The following GRM4 variants were observed in gnomAD, a reference collection of about 807,000 sequenced individuals.
GRM4 encodes the protein glutamate metabotropic receptor 4.
In GRM4, 28 loss-of-function variants were observed where a neutral mutation model predicts 81.7. The ratio of observed to expected loss-of-function variants is 0.34; its 90% CI spans 0.25 to 0.47. The LOEUF is 0.47. Ranked by LOEUF, GRM4 falls within the 20% of genes least tolerant of loss-of-function variation. GRM4 has a pLI of 1.00. For synonymous variants in GRM4, 488 were observed against 528.8 expected, an observed-to-expected ratio of 0.92 and a Z score of 1.06; for missense variants, 948 against 1,290.0, an observed-to-expected ratio of 0.73 and a Z score of 4.06.
chr6:34,044,171 T>TAC (rs1409552552), intron 6 of GRM4, among the ~76,000 whole-genome samples: 3,049 of 141,256 alleles, frequency 0.022, 48 homozygotes, highest in Non-Finnish European at 0.034. Context: ...TACACACACA[T>TAC]ATACATACAT....
intron 6 of GRM4, among the ~76,000 whole-genome samples, chr6:34,044,169 CAT>C (rs1227178697): frequency 1.2e-5 from 1 of 85,002 alleles, no homozygotes; most frequent in Non-Finnish European, 2.2e-5. Flanking sequence ...CATACACACA[CAT>C]ATACATACAT....
chr6:34,061,926 G>T lies in GRM4; in HGVS notation c.839C>A (p.Ala280Glu). 1 of 1,613,548 alleles carries T rather than the reference G, an allele frequency of 6.2e-7. No homozygotes were observed. The highest frequency in any genetic ancestry group is 8.5e-7 in the Non-Finnish European group (1 of 1,179,606). The change falls in exon 4 of 11, where the codon GCA becomes GAA. Residue 280 changes from alanine to glutamate, a missense_variant. Physicochemically the swap from Ala to Glu is moderately radical, Grantham distance 107 (BLOSUM62 -1). Coordinates refer to ENST00000538487, the MANE Select transcript of GRM4 (RefSeq NM_000841.4). ...RRLLETSNAR[A>E]VIIFANEDDI... ...ATCCTCGTTGGCAAAGATGATGACT[G>T]CCCTGGCGTTCGAAGTCTCCAGGAG...
At chr6:34,120,002 G>A (rs1769742223) in intron 2 of GRM4, among the ~76,000 whole-genome samples, 1 of 152,210 alleles carries the variant, frequency 6.6e-6, no homozygotes, top group South Asian at 2.1e-4. Flanking sequence ...AATAATGGCT[G>A]CCTCCAGGGC....
At chr6:34,100,747 T>C (rs1348555393) in intron 2 of GRM4, among the ~76,000 whole-genome samples, 1 of 152,248 alleles carries the variant, frequency 6.6e-6, no homozygotes, top group East Asian at 1.9e-4. Context: ...TTGGGACCAC[T>C]TGAAAAGTTC....
chr6:34,060,247 G>T (rs1450916541), intron 4 of GRM4: 1 of 151,224 alleles, frequency 6.6e-6, no homozygotes, highest in Non-Finnish European at 1.5e-5. Flanking sequence ...TAGCCCCCCC[G>T]CACCCTAGGT....
rs1429060255 is a variant in GRM4, at chr6:34,115,732, G to T, written c.519+17246C>A. On this transcript the variant is annotated intron_variant, in intron 2 of 10. Coordinates refer to ENST00000538487, the MANE Select transcript of GRM4 (RefSeq NM_000841.4). This position sits in a 1 kb window ranked among gnomAD's most constrained non-coding sequence, Gnocchi z 4.1. ...AGCCCTCCCTAAATAACTGTGCAGC[G>T]CGAGGCTGGAGGAGGAGTTCGAGGT... Among the ~76,000 whole-genome samples, 1 of 152,152 alleles carries T rather than the reference G, an allele frequency of 6.6e-6. No homozygotes were observed. Among genetic ancestry groups the T allele is most frequent in the Admixed American group, 6.5e-5 (1 of 15,276 alleles).
chr6:34,118,012 C>T (rs1170951342), intron 2 of GRM4, among the ~76,000 whole-genome samples: 1 of 152,194 alleles, frequency 6.6e-6, no homozygotes, highest in Admixed American at 6.5e-5. Flanking sequence ...ATGCTCACCA[C>T]TGTAGTCTAG....
chr6:34,100,855 T>G (rs764602240), intron 2 of GRM4, among the ~76,000 whole-genome samples: 2 of 152,244 alleles, frequency 1.3e-5, no homozygotes, highest in Non-Finnish European at 2.9e-5. Flanking sequence ...CCTCTGCTAC[T>G]GTAAGCAATG....
rs1412284162 is a variant in GRM4, at chr6:34,114,531, G to A, written c.519+18447C>T. ...AGCAGGCACCATCCTGCAGGATCAA[G>A]TCCACCTTCTTGACCTAAGCCCCCC... On this transcript the variant is annotated intron_variant, in intron 2 of 10. Transcript: ENST00000538487. This position sits in a 1 kb window ranked among gnomAD's most constrained non-coding sequence, Gnocchi z 4.3. Among the ~76,000 whole-genome samples, 1 of 151,986 alleles carries A rather than the reference G, an allele frequency of 6.6e-6. No homozygotes were observed. The highest frequency in any genetic ancestry group is 1.5e-5 in the Non-Finnish European group (1 of 68,004).
intron 10 of GRM4, among the ~76,000 whole-genome samples, chr6:34,027,327 C>T (rs1266160048): frequency 4.6e-5 from 7 of 152,160 alleles, no homozygotes; most frequent in Non-Finnish European, 1.0e-4. Context: ...GGCACTGCTC[C>T]GTTACCAGCC....
intron 3 of GRM4, among the ~76,000 whole-genome samples, chr6:34,066,196 C>T (rs780627935): frequency 6.6e-6 from 1 of 152,270 alleles, no homozygotes; most frequent in South Asian, 2.1e-4. Flanking sequence ...CGTCCACACT[C>T]GTCCCCAGGG....
At chr6:34,093,189 G>A (rs1768334492) in intron 2 of GRM4, among the ~76,000 whole-genome samples, 1 of 152,246 alleles carries the variant, frequency 6.6e-6, no homozygotes, top group Non-Finnish European at 1.5e-5. Context: ...CAGGCCCAGT[G>A]GCAACTGTGG....
chr6:34,138,572 C>T (rs997721996), intron 1 of GRM4, among the ~76,000 whole-genome samples: 4 of 152,232 alleles, frequency 2.6e-5, no homozygotes, highest in African/African-American at 9.6e-5. Context: ...TCTGTGACCC[C>T]TCTGCTATCC....
rs1012638451 is a variant in GRM4, at chr6:34,080,098, C to T, written c.736+11785G>A. On this transcript the variant is annotated intron_variant, in intron 3 of 10. Transcript: ENST00000538487. This position sits in a 1 kb window ranked among gnomAD's most constrained non-coding sequence, Gnocchi z 5.4. ...TCCTGGTTATTCTCCAAATGCCGGG[C>T]AGGCACCACCTCAGGGCCTTTGCAC... Among the ~76,000 whole-genome samples the T allele has an allele frequency of 3.9e-5, 6 of 152,360 alleles. No homozygotes were observed. Among genetic ancestry groups the T allele is most frequent in the Admixed American group, 3.9e-4 (6 of 15,312 alleles).
chr6:34,116,853 C>A lies in GRM4; in HGVS notation c.519+16125G>T, dbSNP rs1348390023. 2.0e-5 allele frequency among the ~76,000 whole-genome samples: 3 copies of A among 152,160 alleles called. No individual in the cohort carries two copies. In the East Asian group the frequency reaches 5.8e-4, roughly 29 times the overall value. ...GTACAGAGCAATAGAAGTGAGCAAA[C>A]CACCAACAGACCCAACCCCAGGGGG... is the stretch of plus-strand genomic sequence containing the variant. On this transcript the variant is annotated intron_variant, in intron 2 of 10. Transcript: ENST00000538487.
intron 2 of GRM4, among the ~76,000 whole-genome samples, chr6:34,109,980 C>T (rs1424285321): frequency 6.6e-6 from 1 of 152,164 alleles, no homozygotes; most frequent in African/African-American, 2.4e-5. Flanking sequence ...TAGGTCCACA[C>T]ATGTGCACAC....
At chr6:34,112,504 C>T (rs1033349323) in intron 2 of GRM4, among the ~76,000 whole-genome samples, 2 of 152,128 alleles carry the variant, frequency 1.3e-5, no homozygotes, top group Non-Finnish European at 2.9e-5. Flanking sequence ...GTTGTTGGGT[C>T]TTATCTGATG....
At chr6:34,040,954 G>A (rs529535163) in intron 6 of GRM4, among the ~76,000 whole-genome samples, 6 of 152,272 alleles carry the variant, frequency 3.9e-5, no homozygotes, top group African/African-American at 1.4e-4. Context: ...TGGGTGTAAT[G>A]GGAGGGTCCA....
intron 1 of GRM4, among the ~76,000 whole-genome samples, chr6:34,144,422 C>A (rs974490464): frequency 2.6e-5 from 4 of 152,222 alleles, no homozygotes; most frequent in African/African-American, 9.6e-5. Context: ...GCCGCGTAGA[C>A]GCGCAGGTTC....
Sources: gnomAD v4.1 joint callset for allele counts (sites outside exome capture counted in the v4.1 genomes callset) on GRCh38, gnomAD v4.1.1 for gene constraint, Gnocchi (gnomAD v3.1) non-coding constraint, MANE v1.5 for transcripts, NCBI Gene and HGNC (gene_info 2026-07-23, HGNC 2026-07-21) for gene names.